Variants in GPR89B observed in about 807,000 individuals in gnomAD.
GPR89B encodes golgi pH regulator B.
A neutral mutation model predicts 52.4 loss-of-function variants in GPR89B; 25 were observed. That is an observed-to-expected ratio of 0.48 (90% CI 0.35 to 0.67). The LOEUF is 0.67. Among genes scored for constraint, GPR89B ranks in the 30% least tolerant of loss-of-function variants. The pLI, the probability that GPR89B is intolerant of heterozygous loss-of-function variation, is 0.01. For synonymous variants in GPR89B, 52 were observed against 151.2 expected, an observed-to-expected ratio of 0.34 and a Z score of 4.81; for missense variants, 146 against 450.2, an observed-to-expected ratio of 0.32 and a Z score of 6.11.
chr1:147,991,457 T>C (rs1341404265), intron 12 of GPR89B, among the ~76,000 whole-genome samples: 1 of 152,192 alleles, frequency 6.6e-6, no homozygotes, highest in Non-Finnish European at 1.5e-5. Context: ...TCCTGTCTGA[T>C]TGCCCTGGCC....
At position 147,940,132 on chromosome 1, in the gene GPR89B, G is replaced by A. The variant is rs189349437; in HGVS notation, c.206+1315G>A. On this transcript the variant is annotated intron_variant, in intron 3 of 13. Transcript: ENST00000314163. The stretch of plus-strand genomic sequence containing the variant: ...AATAATCCAAACCTTGGCCGGGCGC[G>A]GTGGCTCACGCCTGTAATCCCAGCA... Among the ~76,000 whole-genome samples, 60 of 151,440 alleles carry A rather than the reference G, an allele frequency of 4.0e-4. No homozygotes were observed. In the East Asian group the frequency reaches 1.0e-2, roughly 25 times the overall value.
At chr1:147,951,963 T>G (rs1322342203) in intron 5 of GPR89B, among the ~76,000 whole-genome samples, 1 of 152,064 alleles carries the variant, frequency 6.6e-6, no homozygotes, top group African/African-American at 2.4e-5. Flanking sequence ...TTGGAAAATG[T>G]TGAATTTTGC....
chr1:148,011,064 G>A, the GPR89B span: 2 of 152,090 alleles, frequency 1.3e-5, no homozygotes, highest in East Asian at 3.9e-4. Flanking sequence ...GTGGAGCATT[G>A]GTAGTTCAGC....
At chr1:148,015,293 A>ATCTCCCCC in the GPR89B span, among the ~76,000 whole-genome samples, 1 of 69,860 alleles carries the variant, frequency 1.4e-5, no homozygotes, top group Admixed American at 1.8e-4. Flanking sequence ...GGATTCTAGG[A>ATCTCCCCC]TCTCTCTCTC....
At chr1:147,984,309 CTAAAACT>C (rs1189973045) in intron 10 of GPR89B, among the ~76,000 whole-genome samples, 1 of 150,962 alleles carries the variant, frequency 6.6e-6, no homozygotes, top group Admixed American at 6.6e-5. Flanking sequence ...CACATGTACC[CTAAAACT>C]TAAAGTATAA....
the GPR89B span, among the ~76,000 whole-genome samples, chr1:148,025,328 A>T: frequency 6.6e-6 from 1 of 151,696 alleles, no homozygotes; most frequent in African/African-American, 2.4e-5. Flanking sequence ...TCCTGGCCCC[A>T]CCACCAGGCA....
intron 3 of GPR89B, among the ~76,000 whole-genome samples, chr1:147,940,793 T>C (rs1169913415): frequency 6.6e-6 from 1 of 151,812 alleles, no homozygotes; most frequent in Non-Finnish European, 1.5e-5. Context: ...GATTCAGATA[T>C]TCTAAAGCTA....
chr1:147,968,377 C>T (rs1247345733), intron 8 of GPR89B: 2 of 453,814 alleles, frequency 4.4e-6, no homozygotes, highest in Non-Finnish European at 8.8e-6. Context: ...TGGCATAAGA[C>T]AATCCCATGA....
rs1247797961 is a variant in GPR89B, at chr1:147,976,189, T to A, written c.909+6230T>A. Among the ~76,000 whole-genome samples, 6 of 152,130 alleles carry A rather than the reference T, an allele frequency of 3.9e-5. 1 individual carries two copies. Among genetic ancestry groups the A allele is most frequent in the Admixed American group, 2.0e-4 (3 of 15,286 alleles). On this transcript the variant is annotated intron_variant, in intron 10 of 13. Transcript: ENST00000314163. ...AGGTCCACTTGATCCAGAGCTGAGT[T>A]CAAGTCCTAAATATACTTGTTAATT...
the GPR89B span, among the ~76,000 whole-genome samples, chr1:148,007,340 G>C: frequency 4.6e-5 from 7 of 152,248 alleles, no homozygotes; most frequent in Admixed American, 1.3e-4. Flanking sequence ...CTCCCAAAGT[G>C]CTGGGATTAC....
intron 12 of GPR89B, among the ~76,000 whole-genome samples, chr1:147,991,604 C>T (rs1368040497): frequency 8.5e-5 from 13 of 152,118 alleles, no homozygotes; most frequent in South Asian, 2.1e-4. Context: ...ATAGCTCTTA[C>T]GATTTCGAGA....
At chr1:148,014,613 CT>C in the GPR89B span, 1 of 152,044 alleles carries the variant, frequency 6.6e-6, no homozygotes. Flanking sequence ...CTACTCTCCC[CT>C]GGCCGACGAT....
At chr1:147,986,723 G>T (rs1265388823) in intron 11 of GPR89B, among the ~76,000 whole-genome samples, 1 of 151,764 alleles carries the variant, frequency 6.6e-6, no homozygotes, top group Non-Finnish European at 1.5e-5. Flanking sequence ...AGTGTTCTGT[G>T]TTAGAGCTGA....
At chr1:148,013,262 A>C in the GPR89B span, among the ~76,000 whole-genome samples, 12 of 152,048 alleles carry the variant, frequency 7.9e-5, no homozygotes, top group Non-Finnish European at 1.6e-4. Context: ...GGGATGCTGC[A>C]AGCCGCTGGA....
chr1:148,007,435 T>A, the GPR89B span, among the ~76,000 whole-genome samples: 1 of 152,166 alleles, frequency 6.6e-6, no homozygotes, highest in East Asian at 1.9e-4. Context: ...GTGTGTCATA[T>A]TTTGATACCA....
At position 147,928,442 on chromosome 1, in the gene GPR89B, G is replaced by A; in HGVS notation, c.-95G>A. On this transcript the variant is annotated 5_prime_UTR_variant, in exon 1 of 14. Transcript: ENST00000314163. ...GCCGCAGTCCCGGCTGCAGCACCTG[G>A]GAGAAGGCAGACCGTGTGAGGGGGC... The A allele has an allele frequency of 6.7e-7, 1 of 1,485,022 alleles. No individual in the cohort carries two copies. The highest frequency in any genetic ancestry group is 9.3e-7 in the Non-Finnish European group (1 of 1,070,268). 92.0% of individuals were successfully genotyped at this position (1,485,022 alleles called of 1,614,324 possible).
At chr1:148,016,981 G>C in the GPR89B span, among the ~76,000 whole-genome samples, 33 of 151,560 alleles carry the variant, frequency 2.2e-4, no homozygotes, top group African/African-American at 7.8e-4. Flanking sequence ...TATCATCTCT[G>C]ATATTTTGGT....
the GPR89B span, chr1:148,010,479 A>G: frequency 2.7e-5 from 4 of 146,636 alleles, no homozygotes; most frequent in African/African-American, 9.7e-5. Flanking sequence ...TCTCAAAAAC[A>G]TATGAATTTA....
the GPR89B span, among the ~76,000 whole-genome samples, chr1:148,015,390 T>C: frequency 6.8e-6 from 1 of 147,128 alleles, no homozygotes. Flanking sequence ...TCTCGGCTCA[T>C]TGCAACCTCC....
Sources: gnomAD v4.1 joint callset for allele counts (sites outside exome capture counted in the v4.1 genomes callset) on GRCh38, gnomAD v4.1.1 for gene constraint, MANE v1.5 for transcripts, NCBI Gene and HGNC (gene_info 2026-07-23, HGNC 2026-07-21) for gene names.